Variants in DSCAM observed in about 807,000 individuals in gnomAD.
DSCAM encodes the protein cell adhesion molecule DSCAM.
A neutral mutation model predicts 217.7 loss-of-function variants in DSCAM; 47 were observed. That is an observed-to-expected ratio of 0.22 (90% confidence interval 0.17 to 0.28). DSCAM has a LOEUF of 0.28. Ranked by LOEUF, DSCAM falls within the 10% of genes least tolerant of loss-of-function variation. The pLI is 1.00. For missense variants in DSCAM, 2,080 were observed against 2,618.3 expected, an observed-to-expected ratio of 0.79 and a Z score of 4.49; for synonymous variants, 1,056 against 1,015.3, an observed-to-expected ratio of 1.04 and a Z score of -0.76.
At chr21:40,331,626 C>T (rs1292082546) in intron 8 of DSCAM, among the ~76,000 whole-genome samples, 1 of 152,124 alleles carries the variant, frequency 6.6e-6, no homozygotes, top group Non-Finnish European at 1.5e-5. Flanking sequence ...AGCTGAAAAC[C>T]CTGGCAGTGA....
At chr21:40,467,686 T>G (rs1193634131) in intron 3 of DSCAM, among the ~76,000 whole-genome samples, 1 of 152,082 alleles carries the variant, frequency 6.6e-6, no homozygotes. Context: ...GTACACGAAT[T>G]TATAGTAAGC....
intron 3 of DSCAM, among the ~76,000 whole-genome samples, chr21:40,598,497 G>GT (rs71186947): frequency 0.21 from 13,771 of 66,944 alleles, 2,990 homozygotes; most frequent in East Asian, 0.29. Flanking sequence ...CTGCCAAACT[G>GT]TTTTTTTTTT....
At chr21:40,703,744 G>T (rs1442616838) in intron 2 of DSCAM, among the ~76,000 whole-genome samples, 1 of 152,210 alleles carries the variant, frequency 6.6e-6, no homozygotes, top group East Asian at 1.9e-4. Flanking sequence ...TGAGCTCCTT[G>T]GATCTGTGGG....
At chr21:40,459,792 A>C (rs1161007064) in intron 3 of DSCAM, among the ~76,000 whole-genome samples, 2 of 150,368 alleles carry the variant, frequency 1.3e-5, no homozygotes, top group African/African-American at 5.0e-5. Context: ...AAACAACCAG[A>C]TTTTAAAGAA....
At chr21:40,403,342 G>A in intron 3 of DSCAM, among the ~76,000 whole-genome samples, 1 of 150,576 alleles carries the variant, frequency 6.6e-6, no homozygotes, top group Non-Finnish European at 1.5e-5. Context: ...CTGTCACCCA[G>A]GCTGGAGTGC....
At chr21:40,715,406 G>C (rs895952463) in intron 1 of DSCAM, among the ~76,000 whole-genome samples, 2 of 152,178 alleles carry the variant, frequency 1.3e-5, no homozygotes, top group Non-Finnish European at 2.9e-5. Flanking sequence ...TGGGGCTATG[G>C]CTAAGCTGGG....
intron 3 of DSCAM, 23 bp downstream of exon 3, chr21:40,692,787 C>A (rs752331819): frequency 6.2e-7 from 1 of 1,605,254 alleles, no homozygotes; most frequent in East Asian, 2.2e-5. Context: ...TGGTGTCCTG[C>A]ACCCTGGAGA....
chr21:40,553,497 A>C (rs2076646459), intron 3 of DSCAM, among the ~76,000 whole-genome samples: 1 of 152,256 alleles, frequency 6.6e-6, no homozygotes, highest in South Asian at 2.1e-4. Flanking sequence ...CCCTGCAAGA[A>C]GGCCCCTGCA....
intron 9 of DSCAM, 91 bp downstream of exon 9, chr21:40,311,990 A>G (rs1569056951): frequency 2.3e-6 from 1 of 438,924 alleles, no homozygotes; most frequent in Non-Finnish European, 3.3e-6. Flanking sequence ...TCTAAGTTCC[A>G]GTTATTTTCG....
intron 3 of DSCAM, among the ~76,000 whole-genome samples, chr21:40,618,183 C>A (rs2089430252): frequency 6.6e-6 from 1 of 152,242 alleles, no homozygotes; most frequent in African/African-American, 2.4e-5. Flanking sequence ...AGTTAGTACA[C>A]ATGAAATCAA....
intron 3 of DSCAM, among the ~76,000 whole-genome samples, chr21:40,603,133 G>A (rs28634986): frequency 0.22 from 33,120 of 151,854 alleles, 4,556 homozygotes; most frequent in East Asian, 0.28. Flanking sequence ...ATTTGCAGCT[G>A]TCTTTATGTT....
intron 3 of DSCAM, among the ~76,000 whole-genome samples, chr21:40,649,731 G>T (rs907114792): frequency 7.9e-5 from 12 of 152,212 alleles, no homozygotes; most frequent in African/African-American, 2.9e-4. Context: ...TAGAGATGTT[G>T]TGCAGGAAAG....
intron 3 of DSCAM, among the ~76,000 whole-genome samples, chr21:40,509,361 G>T (rs2076240384): frequency 6.6e-6 from 1 of 152,188 alleles, no homozygotes; most frequent in Non-Finnish European, 1.5e-5. Context: ...TTAGCAAAGG[G>T]TCTTTTTCCA....
intron 11 of DSCAM, among the ~76,000 whole-genome samples, chr21:40,218,090 T>C (rs1055474220): frequency 7.9e-5 from 12 of 152,236 alleles, no homozygotes; most frequent in Non-Finnish European, 1.2e-4. Context: ...GTGTCCAGGA[T>C]GGTATTGCCT....
At chr21:40,627,393 C>T (rs1250647213) in intron 3 of DSCAM, among the ~76,000 whole-genome samples, 1 of 152,198 alleles carries the variant, frequency 6.6e-6, no homozygotes, top group Non-Finnish European at 1.5e-5. Flanking sequence ...ACTCCTTCCA[C>T]CCCCACTATA....
At chr21:40,507,082 G>C (rs1367843239) in intron 3 of DSCAM, among the ~76,000 whole-genome samples, 1 of 152,092 alleles carries the variant, frequency 6.6e-6, no homozygotes, top group Non-Finnish European at 1.5e-5. Context: ...TTAGAGACCA[G>C]CCTGACCAAC....
intron 1 of DSCAM, among the ~76,000 whole-genome samples, chr21:40,797,877 T>C (rs927433504): frequency 1.3e-5 from 2 of 152,018 alleles, no homozygotes; most frequent in African/African-American, 2.4e-5. Flanking sequence ...ATGTTGTTAA[T>C]AGTGGGGACA....
intron 1 of DSCAM, among the ~76,000 whole-genome samples, chr21:40,765,214 A>T (rs973149066): frequency 1.3e-5 from 2 of 152,180 alleles, no homozygotes; most frequent in Admixed American, 1.3e-4. Context: ...TACTTTCCTA[A>T]CCAATGTCAT....
intron 1 of DSCAM, among the ~76,000 whole-genome samples, chr21:40,803,414 C>T (rs1324154973): frequency 1.3e-5 from 2 of 152,138 alleles, no homozygotes; most frequent in African/African-American, 2.4e-5. Context: ...CCACTAAAGC[C>T]ACCTATAGGA....
Sources: allele counts gnomAD v4.1 joint callset (sites outside exome capture counted in the v4.1 genomes callset), GRCh38; gene constraint gnomAD v4.1.1; transcripts MANE v1.5; gene names NCBI Gene and HGNC (gene_info 2026-07-23, HGNC 2026-07-21).